DHRSX: variants seen among roughly 807,000 people sequenced by gnomAD.
The protein encoded by DHRSX is polyprenol dehydrogenase.
In DHRSX, 31 loss-of-function variants were observed where a neutral mutation model predicts 34.0. The ratio of observed to expected loss-of-function variants is 0.91; its 90% confidence interval spans 0.69 to 1.23. The LOEUF (loss-of-function observed/expected upper bound fraction) is 1.23. Among genes scored for constraint, DHRSX ranks in the 50% most tolerant of loss-of-function variants. DHRSX has a pLI of 0.00. For missense variants in DHRSX, 414 were observed against 428.1 expected (o/e 0.97, Z 0.29); for synonymous variants, 201 against 183.8 (o/e 1.09, Z -0.76).
At chrX:2,368,962 A>G (rs139750467) in intron 3 of DHRSX, among the ~76,000 whole-genome samples, 130 of 152,304 alleles carry the variant, frequency 8.5e-4, no homozygotes, top group African/African-American at 2.9e-3. Context: ...ATAAAAGTAA[A>G]TAAGTAAATA....
intron 3 of DHRSX, among the ~76,000 whole-genome samples, chrX:2,337,036 C>A (rs1359442017): frequency 2.0e-5 from 3 of 152,024 alleles, no homozygotes; most frequent in African/African-American, 7.2e-5. Flanking sequence ...GAACTCCTGA[C>A]ATCATGATCC....
rs774165774 is a variant in DHRSX at position 2,318,350 on chromosome X, C to CA, written c.287-26748dup. On this transcript the variant is annotated intron_variant, in intron 3 of 6. Transcript: ENST00000334651. ...GGGCAACACAGTGACAACCCAATCTCAAAAAAAAAAAAAGATACCCTTCCA... is the reference window on the plus strand; with the variant it reads ...GGGCAACACAGTGACAACCCAATCTCAAAAAAAAAAAAAAGATACCCTTCCA... 8.3e-3 allele frequency among the ~76,000 whole-genome samples: 1,133 copies of CA among 136,934 alleles called. 11 individuals are homozygous for CA. The highest frequency in any genetic ancestry group is 0.027 in the African/African-American group (1,016 of 37,830). 89.8% of individuals were successfully genotyped at this position (136,934 alleles called of 152,430 possible). A position where few individuals can be genotyped will look rare whatever the true frequency, so the allele number is the denominator to read the frequency against.
At chrX:2,283,054 G>C (rs1394186802) in intron 4 of DHRSX, among the ~76,000 whole-genome samples, 1 of 151,734 alleles carries the variant, frequency 6.6e-6, no homozygotes, top group Non-Finnish European at 1.5e-5. Context: ...GAGAGACAGA[G>C]AGTTACAGAA....
At chrX:2,427,139 G>A (rs1339217130) in intron 1 of DHRSX, among the ~76,000 whole-genome samples, 5 of 152,190 alleles carry the variant, frequency 3.3e-5, no homozygotes, top group African/African-American at 4.8e-5. Flanking sequence ...GATTCTGGAC[G>A]GAGGGTTAGA....
intron 1 of DHRSX, among the ~76,000 whole-genome samples, chrX:2,472,046 G>T (rs1320687659): frequency 6.6e-6 from 1 of 151,568 alleles, no homozygotes; most frequent in Admixed American, 6.6e-5. Flanking sequence ...TCAGAAGGCT[G>T]AGGCAGGACA....
rs780281350 is a variant in DHRSX, at chrX:2,369,489, T to G, written c.286+39256A>C. On this transcript the variant is annotated intron_variant, in intron 3 of 6. Transcript: ENST00000334651. ...GACTCTCCTATGTGTTTAGTTTTTG[T>G]TTTTTTTTGTTTGTTTTTCTTTTTG... is the stretch of plus-strand genomic sequence containing the variant. Among the ~76,000 whole-genome samples, 446 of 47,262 alleles carry G rather than the reference T, an allele frequency of 9.4e-3. 24 individuals carry two copies. The East Asian group carries it at 0.12, about 13-fold the overall frequency. 31.0% of individuals were successfully genotyped at this position (47,262 alleles called of 152,430 possible).
chrX:2,272,464 A>G (rs1479533797), intron 4 of DHRSX, among the ~76,000 whole-genome samples: 3 of 152,078 alleles, frequency 2.0e-5, no homozygotes, highest in Non-Finnish European at 4.4e-5. Flanking sequence ...CTTCCCTTGA[A>G]TCTCGGCCAT....
chrX:2,300,848 T>C (rs1247204694), intron 3 of DHRSX, among the ~76,000 whole-genome samples: 1 of 152,094 alleles, frequency 6.6e-6, no homozygotes, highest in Non-Finnish European at 1.5e-5. Flanking sequence ...TCACCCCCTA[T>C]ATCTATCACC....
At chrX:2,486,641 T>C (rs2044940355) in intron 1 of DHRSX, 1 of 152,144 alleles carries the variant, frequency 6.6e-6, no homozygotes, top group Non-Finnish European at 1.5e-5. Flanking sequence ...CACGGAGGCG[T>C]GGGCTGCCCT....
rs143631197 is a variant in DHRSX, at chrX:2,221,186, G to T, written c.848C>A (p.Thr283Asn). The T allele has an allele frequency of 1.2e-6, 2 of 1,613,788 alleles. No individual in the cohort carries two copies. Among genetic ancestry groups the T allele is most frequent in the African/African-American group, 2.7e-5 (2 of 74,904 alleles). Reference sequence around the variant, plus strand: ...GCCACCAACTCCTTCCAGCTCTGGGGTGACTGCTGCGTAGATGGAAGTCCA... The same window carrying T: ...GCCACCAACTCCTTCCAGCTCTGGGTTGACTGCTGCGTAGATGGAAGTCCA... ...GAWTSIYAAVTPELEGVGGHY... is the reference protein window; with the variant it reads ...GAWTSIYAAVNPELEGVGGHY... Residue 283 changes from threonine (T) to asparagine (N), a missense_variant, in exon 7 of 7, where the codon ACC becomes AAC. Physicochemically the swap from Thr to Asn is moderately conservative, Grantham distance 65. Transcript: ENST00000334651.
chrX:2,231,704 C>G (rs1162129701), intron 6 of DHRSX, among the ~76,000 whole-genome samples: 1 of 148,716 alleles, frequency 6.7e-6, no homozygotes, highest in East Asian at 2.0e-4. Context: ...TTTTCACTCT[C>G]TATTCCTCTT....
chrX:2,408,676 A>C (rs1351121641), intron 3 of DHRSX, 69 bp downstream of exon 3: 1 of 1,397,652 alleles, frequency 7.2e-7, no homozygotes, highest in African/African-American at 1.5e-5. Context: ...CTCAGCCATG[A>C]ACCACGCAAA....
chrX:2,239,872 T>C (rs1453189853), intron 6 of DHRSX, among the ~76,000 whole-genome samples: 1 of 152,192 alleles, frequency 6.6e-6, no homozygotes, highest in Non-Finnish European at 1.5e-5. Context: ...AAGGATGAAA[T>C]GTATCCTAGT....
intron 1 of DHRSX, among the ~76,000 whole-genome samples, chrX:2,470,949 A>T (rs1429412101): frequency 6.6e-6 from 1 of 152,236 alleles, no homozygotes; most frequent in African/African-American, 2.4e-5. Flanking sequence ...TTCAATGTTA[A>T]TATGTTAATT....
intron 3 of DHRSX, among the ~76,000 whole-genome samples, chrX:2,311,860 T>C (rs1285147633): frequency 6.6e-6 from 1 of 152,184 alleles, no homozygotes; most frequent in Non-Finnish European, 1.5e-5. Flanking sequence ...GAGTTGTTTA[T>C]ACATCAAAAA....
At chrX:2,433,358 T>A (rs1483493176) in intron 1 of DHRSX, among the ~76,000 whole-genome samples, 1 of 152,086 alleles carries the variant, frequency 6.6e-6, no homozygotes, top group East Asian at 1.9e-4. Context: ...TTATATCTAA[T>A]AACAGACATC....
At chrX:2,339,597 T>C (rs2042615418) in intron 3 of DHRSX, among the ~76,000 whole-genome samples, 1 of 152,106 alleles carries the variant, frequency 6.6e-6, no homozygotes, top group Non-Finnish European at 1.5e-5. Context: ...TGCCTTTGTG[T>C]CCTCATAGCT....
intron 3 of DHRSX, among the ~76,000 whole-genome samples, chrX:2,369,744 TC>T (rs1413921375): frequency 2.0e-5 from 3 of 152,024 alleles, no homozygotes; most frequent in African/African-American, 7.2e-5. Flanking sequence ...CCTCAAGTAA[TC>T]CACCCACTTC....
intron 5 of DHRSX, among the ~76,000 whole-genome samples, chrX:2,259,321 GATAGATATAGATATAT>G (rs1267426467): frequency 1.5e-4 from 22 of 145,704 alleles, no homozygotes; most frequent in Admixed American, 9.0e-4. Context: ...TAGATATATA[GATAGATATAGATATAT>G]ATAGATATAG....
Sources: gnomAD v4.1 joint callset for allele counts (sites outside exome capture counted in the v4.1 genomes callset) on GRCh38, gnomAD v4.1.1 for gene constraint, MANE v1.5 for transcripts, NCBI Gene and HGNC (gene_info 2026-07-23, HGNC 2026-07-21) for gene names.